Variants in MDGA2 observed in about 807,000 individuals in gnomAD.
MDGA2 encodes the protein MAM domain containing glycosylphosphatidylinositol anchor 2.
MDGA2 carries 40 observed loss-of-function variants against 117.8 expected under a neutral mutation model. The observed-to-expected ratio is 0.34, with a 90% CI of 0.26 to 0.44. The LOEUF (loss-of-function observed/expected upper bound fraction) is 0.44. Ranked by LOEUF, MDGA2 falls within the 20% of genes least tolerant of loss-of-function variation. The pLI is 1.00. For synonymous variants in MDGA2, 452 were observed against 439.0 expected, an observed-to-expected ratio of 1.03 and a Z score of -0.37; for missense variants, 1,123 against 1,250.6, an observed-to-expected ratio of 0.90 and a Z score of 1.54.
In MDGA2 at chr14:46,970,247, A is replaced by G. The variant is rs1309806852; in HGVS notation, c.1820-12604T>C. 2.0e-5 allele frequency among the ~76,000 whole-genome samples: 3 copies of G among 152,142 alleles called. No individual in the cohort carries two copies. The East Asian group carries it at 5.8e-4, about 29-fold the overall frequency. On this transcript the variant is annotated intron_variant, in intron 8 of 16. Coordinates refer to ENST00000399232, the MANE Select transcript of MDGA2 (RefSeq NM_001113498.3). ...AAAAAGAGCCAGAATAGCCAAAGCA[A>G]TCCTAAGCAAAAAGAAAGTTAAAGG... is the stretch of plus-strand genomic sequence containing the variant.
At chr14:47,133,257 C>G (rs1882296940) in intron 4 of MDGA2, among the ~76,000 whole-genome samples, 1 of 151,764 alleles carries the variant, frequency 6.6e-6, no homozygotes, top group South Asian at 2.1e-4. Flanking sequence ...ATATATAAAA[C>G]TATTCTCTTG....
intron 1 of MDGA2, among the ~76,000 whole-genome samples, chr14:47,358,339 A>G (rs2043936282): frequency 6.6e-6 from 1 of 152,134 alleles, no homozygotes; most frequent in Admixed American, 6.5e-5. Flanking sequence ...TGGTCTCTGT[A>G]CTTGTTAAAA....
intron 1 of MDGA2, among the ~76,000 whole-genome samples, chr14:47,580,752 C>G (rs1285900826): frequency 6.6e-6 from 1 of 151,734 alleles, no homozygotes; most frequent in African/African-American, 2.4e-5. Context: ...GGCTTTACAT[C>G]AGAACAAGGC....
intron 1 of MDGA2, among the ~76,000 whole-genome samples, chr14:47,342,064 T>C (rs998437267): frequency 2.6e-5 from 4 of 151,910 alleles, no homozygotes; most frequent in South Asian, 2.1e-4. Flanking sequence ...TTGGCCAGGC[T>C]GTTCTCAAAC....
chr14:47,065,043 C>G (rs903361807), intron 6 of MDGA2, among the ~76,000 whole-genome samples: 2 of 152,052 alleles, frequency 1.3e-5, no homozygotes, highest in African/African-American at 4.8e-5. Context: ...TAACACCAGC[C>G]TGAGAGAACA....
chr14:47,379,029 T>C (rs889286332), intron 1 of MDGA2, among the ~76,000 whole-genome samples: 4 of 152,136 alleles, frequency 2.6e-5, no homozygotes, highest in Admixed American at 1.3e-4. Context: ...TGGCAGAAAC[T>C]CTACAAGCCA....
intron 1 of MDGA2, among the ~76,000 whole-genome samples, chr14:47,644,260 T>C (rs1248272496): frequency 1.3e-5 from 2 of 152,198 alleles, no homozygotes; most frequent in Admixed American, 6.5e-5. Context: ...TTAAAGATTA[T>C]CTTGGATCAT....
At chr14:47,244,229 A>G (rs1887164589) in intron 2 of MDGA2, among the ~76,000 whole-genome samples, 1 of 151,898 alleles carries the variant, frequency 6.6e-6, no homozygotes, top group Non-Finnish European at 1.5e-5. Context: ...AATAATACCC[A>G]ATGTATTATT....
intron 2 of MDGA2, among the ~76,000 whole-genome samples, chr14:47,297,786 G>C (rs1889128016): frequency 6.6e-6 from 1 of 152,072 alleles, no homozygotes; most frequent in South Asian, 2.1e-4. Context: ...TACTGAAATT[G>C]ATTTAAATGC....
At chr14:46,959,885 G>A (rs970357445) in intron 8 of MDGA2, among the ~76,000 whole-genome samples, 14 of 151,926 alleles carry the variant, frequency 9.2e-5, no homozygotes, top group African/African-American at 2.7e-4. Flanking sequence ...TCATTCTAAC[G>A]TGTTACTGTG....
intron 1 of MDGA2, among the ~76,000 whole-genome samples, chr14:47,479,725 T>G (rs964694689): frequency 6.6e-6 from 1 of 152,034 alleles, no homozygotes; most frequent in Admixed American, 6.6e-5. Context: ...CCATTGGTAA[T>G]CATTCAATAT....
intron 6 of MDGA2, among the ~76,000 whole-genome samples, chr14:47,087,198 C>T (rs549741229): frequency 3.3e-5 from 5 of 151,874 alleles, no homozygotes; most frequent in African/African-American, 4.8e-5. Context: ...GCATGGATCA[C>T]GGAGCATTTT....
chr14:47,419,094 G>T (rs1032516318), intron 1 of MDGA2, among the ~76,000 whole-genome samples: 3 of 152,110 alleles, frequency 2.0e-5, no homozygotes, highest in Non-Finnish European at 4.4e-5. Flanking sequence ...ACTTCACACT[G>T]TTATATCAGT....
chr14:46,948,384 G>A (rs904936722), intron 9 of MDGA2, among the ~76,000 whole-genome samples: 1 of 151,964 alleles, frequency 6.6e-6, no homozygotes, highest in Non-Finnish European at 1.5e-5. Context: ...CTTAGGTAAA[G>A]GGAAGGAGTG....
intron 12 of MDGA2, among the ~76,000 whole-genome samples, chr14:46,875,229 C>T (rs1552741): frequency 0.2 from 29,971 of 151,436 alleles, 4,007 homozygotes; most frequent in East Asian, 0.59. Flanking sequence ...AGTCTCTCTC[C>T]GACCTACCCA....
At chr14:46,937,541 G>C (rs1112683) in intron 9 of MDGA2, among the ~76,000 whole-genome samples, 1 of 151,860 alleles carries the variant, frequency 6.6e-6, no homozygotes, top group Non-Finnish European at 1.5e-5. Context: ...AGCTGAAGGC[G>C]TTATACTACC....
chr14:47,421,604 T>C (rs1892581203), intron 1 of MDGA2, among the ~76,000 whole-genome samples: 1 of 152,176 alleles, frequency 6.6e-6, no homozygotes, highest in Admixed American at 6.6e-5. Flanking sequence ...ATATTTATTT[T>C]GTATAATGTT....
rs538614340 is a variant in MDGA2 at position 47,581,583 on chromosome 14, T to G, written c.280+92934A>C. 2.6e-5 allele frequency among the ~76,000 whole-genome samples: 4 copies of G among 152,104 alleles called. No individual in the cohort carries two copies. In the South Asian group the frequency reaches 8.3e-4, roughly 32 times the overall value. On this transcript the variant is annotated intron_variant, in intron 1 of 16. Transcript: ENST00000399232. ...TCCTTATATTTTGTTGTCCCATTGATTTTGGACTTGGTCACATGACTTGTG... is the reference window on the plus strand; with the variant it reads ...TCCTTATATTTTGTTGTCCCATTGAGTTTGGACTTGGTCACATGACTTGTG...
chr14:47,101,636 T>C (rs1958096), intron 5 of MDGA2, among the ~76,000 whole-genome samples: 17,008 of 152,170 alleles, frequency 0.11, 1,091 homozygotes, highest in Admixed American at 0.11. Flanking sequence ...AGAGACCAGC[T>C]AGCACTGAAA....
Sources: allele counts gnomAD v4.1 joint callset (sites outside exome capture counted in the v4.1 genomes callset), GRCh38; gene constraint gnomAD v4.1.1; transcripts MANE v1.5; gene names NCBI Gene and HGNC (gene_info 2026-07-23, HGNC 2026-07-21).